The following LDB3 variants were observed in gnomAD, a reference collection of about 807,000 sequenced individuals.
LDB3 encodes LIM domain binding 3.
A neutral mutation model predicts 69.0 loss-of-function variants in LDB3; 49 were observed. The observed-to-expected ratio is 0.71, with a 90% CI of 0.56 to 0.90. The LOEUF (loss-of-function observed/expected upper bound fraction) is 0.90, where lower values mean the gene tolerates loss of function less well. LDB3 is among the 40% of genes least tolerant of loss of function. The pLI, the probability that LDB3 is intolerant of heterozygous loss-of-function variation, is 0.00. For synonymous variants in LDB3, 387 were observed against 396.2 expected (o/e 0.98, Z 0.28); for missense variants, 928 against 974.1 (o/e 0.95, Z 0.63).
intron 2 of LDB3, among the ~76,000 whole-genome samples, chr10:86,675,052 G>C (rs989705495): frequency 1.3e-5 from 2 of 152,210 alleles, no homozygotes; most frequent in African/African-American, 2.4e-5. Context: ...CAGGCCAGCT[G>C]AGCCCTGACA....
Position 86,668,745 on chromosome 10 carries a change from G to T in LDB3, c.54G>T (p.Gln18His), listed in dbSNP as rs149348427. 3.7e-5 allele frequency: 60 copies of T among 1,613,162 alleles called. No homozygotes were observed. The highest frequency in any genetic ancestry group is 4.7e-5 in the Non-Finnish European group (56 of 1,179,968). The change falls in exon 2 of 14, where the codon CAG (glutamine) becomes CAT (histidine). Residue 18 changes from glutamine (Q) to histidine (H), a missense_variant. Physicochemically the swap from Gln to His is conservative, Grantham distance 24 (BLOSUM62 0). Transcript: ENST00000361373. ...CCGGGCCCTGGGGCTTCCGTCTGCA[G>T]GGGGGCAAGGACTTCAACATGCCCC... ...TGPGPWGFRL[Q>H]GGKDFNMPLT...
In LDB3 at chr10:86,733,524, A is replaced by G. The variant is rs911472299; in HGVS notation, c.*548A>G. On this transcript the variant is annotated 3_prime_UTR_variant, in exon 14 of 14. Transcript: ENST00000361373. Reference sequence around the variant, plus strand: ...TAGCGTCATGGAGCTACCTCTGCGCATCAGACTTCAGACCTTGAACAAACT... The same window carrying G: ...TAGCGTCATGGAGCTACCTCTGCGCGTCAGACTTCAGACCTTGAACAAACT... 1 of 157,990 alleles carries G rather than the reference A, an allele frequency of 6.3e-6. No homozygotes were observed. Among genetic ancestry groups the G allele is most frequent in the Admixed American group, 6.1e-5 (1 of 16,366 alleles). 9.8% of individuals were successfully genotyped at this position (157,990 alleles called of 1,614,324 possible).
At chr10:86,683,653 C>T (rs886686571) in intron 5 of LDB3, among the ~76,000 whole-genome samples, 3 of 152,216 alleles carry the variant, frequency 2.0e-5, no homozygotes, top group Admixed American at 2.0e-4. Flanking sequence ...GGAGGATGTG[C>T]AGTGGGTGCT....
chr10:86,706,675 C>T lies in LDB3; in HGVS notation c.1041C>T (p.Ser347=), dbSNP rs45555240. The part of the protein sequence containing the change: ...ATAAAHTAIA[S]ASTTAPASSP... ...CTGCTGCCCACACTGCCATCGCCTC[C>T]GCCTCCACCACAGCCCCTGCTTCAA... The change falls in exon 8 of 14, where the codon TCC becomes TCT. Residue 347 remains serine, a synonymous_variant. Coordinates refer to ENST00000361373, the MANE Select transcript of LDB3 (RefSeq NM_007078.3). 153 of 1,612,916 alleles carry T rather than the reference C, an allele frequency of 9.5e-5. No individual in the cohort carries two copies. The highest frequency in any genetic ancestry group is 1.1e-4 in the Non-Finnish European group (134 of 1,179,806).
At chr10:86,700,964 G>C (rs12267313) in intron 7 of LDB3, among the ~76,000 whole-genome samples, 1,960 of 152,356 alleles carry the variant, frequency 0.013, 36 homozygotes, top group African/African-American at 0.044. Flanking sequence ...GCTAGCCAGA[G>C]CTCTGCGCCC....
chr10:86,716,059 C>G (rs1195559332), intron 9 of LDB3, among the ~76,000 whole-genome samples: 1 of 152,106 alleles, frequency 6.6e-6, no homozygotes, highest in Non-Finnish European at 1.5e-5. Flanking sequence ...GGAGCCCCAC[C>G]CTGCACAGCT....
chr10:86,701,382 G>A (rs1846258416), intron 7 of LDB3, among the ~76,000 whole-genome samples: 2 of 152,172 alleles, frequency 1.3e-5, no homozygotes, highest in African/African-American at 2.4e-5. Flanking sequence ...CCAGCCTGTC[G>A]GAGCTCTCTT....
In LDB3 at chr10:86,735,406, C is replaced by G. The variant is rs923295952; in HGVS notation, c.*2430C>G. ...GTTTACATTTGGATGTCCTACAACA[C>G]TAAACAAAATTTTTCATAATCCATG... On this transcript the variant is annotated 3_prime_UTR_variant, in exon 14 of 14. Transcript: ENST00000361373. 1 of 152,096 alleles carries G rather than the reference C, an allele frequency of 6.6e-6. No homozygotes were observed. The highest frequency in any genetic ancestry group is 2.4e-5 in the African/African-American group (1 of 41,404). The allele number at this position is 152,096 out of a possible 1,614,324, so 9.4% of individuals were successfully genotyped here.
chr10:86,675,518 G>A (rs931520024), intron 2 of LDB3, among the ~76,000 whole-genome samples: 2 of 152,252 alleles, frequency 1.3e-5, no homozygotes, highest in East Asian at 1.9e-4. Flanking sequence ...CCCTGCAGGG[G>A]GACGACCCCT....
chr10:86,700,184 G>T lies in LDB3; in HGVS notation c.897-6347G>T, dbSNP rs181772727. On this transcript the variant is annotated intron_variant, in intron 7 of 13. Transcript: ENST00000361373. The stretch of plus-strand genomic sequence containing the variant: ...GTGTCCACCGGCCCCAGGACACAGC[G>T]CAGCTCTGGTCCTGCTGCTCTCCTG... The T allele has an allele frequency of 2.0e-4, 97 of 487,658 alleles. 1 individual carries two copies. The highest frequency in any genetic ancestry group is 2.4e-4 in the Non-Finnish European group (91 of 375,116). 30.2% of individuals were successfully genotyped at this position (487,658 alleles called of 1,614,324 possible). A position where few individuals can be genotyped will look rare whatever the true frequency, so the allele number is the denominator to read the frequency against.
Position 86,699,239 on chromosome 10 carries a change from T to TTCTCTC in LDB3, c.896+6692_896+6697dup, listed in dbSNP as rs71019410. The stretch of plus-strand genomic sequence containing the variant: ...TCTCTCTTTCTGTCTCTGTCTCTGT[T>TTCTCTC]TCTCTCTCTCTCTCTCTCTCTCTCT... On this transcript the variant is annotated intron_variant, in intron 7 of 13. Coordinates refer to ENST00000361373, the MANE Select transcript of LDB3 (RefSeq NM_007078.3). This position sits in a 1 kb window ranked among gnomAD's most constrained non-coding sequence, Gnocchi z 4.9. 144 of 1,563,194 alleles carry TTCTCTC rather than the reference T, an allele frequency of 9.2e-5. No homozygotes were observed. The East Asian group carries it at 2.5e-3, about 28-fold the overall frequency.
At chr10:86,693,886 TAAA>T (rs986544002) in intron 7 of LDB3, among the ~76,000 whole-genome samples, 1 of 152,170 alleles carries the variant, frequency 6.6e-6, no homozygotes, top group African/African-American at 2.4e-5. Context: ...AAACATTTGA[TAAA>T]AAAGTCTTTA....
At chr10:86,732,412 A>G in intron 13 of LDB3, 6 of 427,878 alleles carry the variant, frequency 1.4e-5, no homozygotes, top group South Asian at 1.0e-4. Flanking sequence ...ATATAGTCCA[A>G]CTCATGTACT....
In LDB3 at chr10:86,696,239, G is replaced by A. The variant is rs866864931; in HGVS notation, c.896+3668G>A. On this transcript the variant is annotated intron_variant, in intron 7 of 13. Coordinates refer to ENST00000361373, the MANE Select transcript of LDB3 (RefSeq NM_007078.3). ...CCCCCTGCAGCCACCTCGCTTACAC[G>A]CCGCACAGCATAGGGCCCTCCTGCC... 7.3e-5 allele frequency among the ~76,000 whole-genome samples: 11 copies of A among 151,688 alleles called. 1 individual carries two copies. Among genetic ancestry groups the A allele is most frequent in the Middle Eastern group, 3.4e-3 (1 of 294 alleles).
intron 13 of LDB3, among the ~76,000 whole-genome samples, chr10:86,730,557 G>A (rs1274828902): frequency 6.6e-6 from 1 of 152,198 alleles, no homozygotes; most frequent in Admixed American, 6.5e-5. Flanking sequence ...ATGGGGTAGG[G>A]GAAAAATTAG....
Position 86,717,942 on chromosome 10 carries a change from G to A in LDB3, c.1677-22G>A, listed in dbSNP as rs780902290. On this transcript the variant is annotated intron_variant, in intron 10 of 13. Transcript: ENST00000361373. ...CAAGTTCTGGGAGCTGCCTTACTGGGTGCCATTCTGTGCTTCCCCAGGGGC... is the reference window on the plus strand; with the variant it reads ...CAAGTTCTGGGAGCTGCCTTACTGGATGCCATTCTGTGCTTCCCCAGGGGC... The A allele has an allele frequency of 4.3e-6, 7 of 1,612,866 alleles. No homozygotes were observed. The Admixed American group carries it at 8.3e-5, about 19-fold the overall frequency.
At chr10:86,723,465 AGT>A (rs1375176896) in intron 12 of LDB3, among the ~76,000 whole-genome samples, 3 of 152,012 alleles carry the variant, frequency 2.0e-5, no homozygotes, top group Admixed American at 2.0e-4. Flanking sequence ...AGGTACAGAA[AGT>A]GGGGATGGTT....
chr10:86,687,194 C>T, intron 5 of LDB3: 1 of 1,614,220 alleles, frequency 6.2e-7, no homozygotes. Flanking sequence ...TACAACACGC[C>T]CATCAGCATG....
rs1845434120 is a variant in LDB3, at chr10:86,685,776, T to C, written c.689+3973T>C. 5 of 1,536,432 alleles carry C rather than the reference T, an allele frequency of 3.3e-6. No homozygotes were observed. In the African/African-American group the frequency reaches 5.5e-5, roughly 17 times the overall value. On this transcript the variant is annotated intron_variant, in intron 5 of 13. Transcript: ENST00000361373. ...TGTGTCTGCGTGTGTCTGGCGTGGA[T>C]AGAGTGTGCCTGCTGGCATGTGTAC...
Sources: gnomAD v4.1 joint callset for allele counts (sites outside exome capture counted in the v4.1 genomes callset) on GRCh38, gnomAD v4.1.1 for gene constraint, Gnocchi (gnomAD v3.1) non-coding constraint, MANE v1.5 for transcripts, NCBI Gene and HGNC (gene_info 2026-07-23, HGNC 2026-07-21) for gene names.